Variants in PLEKHG1 observed in about 807,000 individuals in gnomAD.
The protein encoded by PLEKHG1 is pleckstrin homology and RhoGEF domain containing G1.
Under a neutral mutation model 100.8 loss-of-function variants are expected in PLEKHG1, and 44 were observed. That is an observed-to-expected ratio of 0.44 (90% CI 0.34 to 0.56). The LOEUF is 0.56. Ranked by LOEUF, PLEKHG1 falls within the 20% of genes least tolerant of loss-of-function variation. The pLI, the probability that PLEKHG1 is intolerant of heterozygous loss-of-function variation, is 0.01. For missense variants in PLEKHG1, 1,545 were observed against 1,720.9 expected (o/e 0.90, Z 1.81); for synonymous variants, 640 against 662.5 (o/e 0.97, Z 0.52).
intron 3 of PLEKHG1, among the ~76,000 whole-genome samples, chr6:150,675,609 C>T (rs1779727698): frequency 6.6e-6 from 1 of 152,198 alleles, no homozygotes; most frequent in South Asian, 2.1e-4. Flanking sequence ...GAGACGGAGT[C>T]TCCCTCTGTC....
At chr6:150,760,669 T>C (rs1413652702) in intron 2 of PLEKHG1, among the ~76,000 whole-genome samples, 1 of 143,940 alleles carries the variant, frequency 6.9e-6, no homozygotes, top group Non-Finnish European at 1.5e-5. Flanking sequence ...CTAGAAATAA[T>C]GATAGGATTT....
At chr6:150,741,358 T>C (rs1346475986) in intron 2 of PLEKHG1, among the ~76,000 whole-genome samples, 4 of 152,176 alleles carry the variant, frequency 2.6e-5, no homozygotes, top group African/African-American at 9.7e-5. Context: ...TATGGCTAGA[T>C]CTTGAGTCAA....
At chr6:150,780,969 G>A (rs1295765742) in intron 3 of PLEKHG1, among the ~76,000 whole-genome samples, 2 of 151,708 alleles carry the variant, frequency 1.3e-5, no homozygotes, top group Admixed American at 6.6e-5. Context: ...TTCCTCCCGG[G>A]TTCAAGCAAT....
chr6:150,671,583 A>G (rs1231646266), intron 3 of PLEKHG1, among the ~76,000 whole-genome samples: 2 of 152,224 alleles, frequency 1.3e-5, no homozygotes, highest in African/African-American at 4.8e-5. Context: ...TGCTGAGGAG[A>G]CAGTGCTTAC....
chr6:150,832,173 T>C (rs1361072874), exon 15 of PLEKHG1: 1 of 1,606,112 alleles, frequency 6.2e-7, no homozygotes, highest in South Asian at 1.1e-5. Context: ...GCTGCCATCT[T>C]GGAAGAGAAG....
intron 10 of PLEKHG1, among the ~76,000 whole-genome samples, chr6:150,817,747 G>A (rs565274723): frequency 1.9e-4 from 29 of 151,908 alleles, no homozygotes; most frequent in African/African-American, 5.3e-4. Context: ...TAGTAGAGAC[G>A]GGGTTTCACC....
intron 3 of PLEKHG1, among the ~76,000 whole-genome samples, chr6:150,670,333 C>T (rs1193404471): frequency 2.0e-5 from 3 of 152,010 alleles, no homozygotes; most frequent in African/African-American, 7.3e-5. Context: ...CTATTTTGTT[C>T]ATATTTGTTC....
chr6:150,659,339 C>G (rs1779093161), intron 3 of PLEKHG1, among the ~76,000 whole-genome samples: 2 of 152,054 alleles, frequency 1.3e-5, no homozygotes, highest in South Asian at 4.1e-4. Flanking sequence ...ATTTTGGGTA[C>G]AACCAGAACT....
At chr6:150,733,514 T>C in intron 1 of PLEKHG1, 70 bp from the exon 3 acceptor site, 3 of 1,350,460 alleles carry the variant, frequency 2.2e-6, no homozygotes, top group Non-Finnish European at 3.0e-6. Context: ...GCTAGGTTTT[T>C]ACTTCCTTTC....
intron 2 of PLEKHG1, among the ~76,000 whole-genome samples, chr6:150,743,773 C>T (rs1783006559): frequency 6.6e-6 from 1 of 151,962 alleles, no homozygotes; most frequent in African/African-American, 2.4e-5. Context: ...CTACTCATTC[C>T]AGTTCATTTG....
chr6:150,724,037 A>G (rs1253331176), intron 1 of PLEKHG1, among the ~76,000 whole-genome samples: 1 of 152,206 alleles, frequency 6.6e-6, no homozygotes, highest in Non-Finnish European at 1.5e-5. Flanking sequence ...GTGGTGTGGC[A>G]GAGTCAGGAT....
chr6:150,735,552 C>G (rs1323283919), intron 2 of PLEKHG1, among the ~76,000 whole-genome samples: 1 of 152,104 alleles, frequency 6.6e-6, no homozygotes, highest in African/African-American at 2.4e-5. Context: ...ATGTACCTTC[C>G]CAGTAAAAAT....
intron 3 of PLEKHG1, 74 bp from the exon 5 acceptor site, chr6:150,786,316 C>A: frequency 2.0e-6 from 2 of 991,284 alleles, no homozygotes; most frequent in Non-Finnish European, 1.6e-6. Context: ...AATGTTTAAA[C>A]TTTTAAATTA....
rs1417676550 is a variant in PLEKHG1, at chr6:150,648,690, T to C, written c.-157-2038T>C. Among the ~76,000 whole-genome samples the C allele has an allele frequency of 2.6e-5, 4 of 152,258 alleles. No homozygotes were observed. In the East Asian group the frequency reaches 5.8e-4, roughly 22 times the overall value. The stretch of plus-strand genomic sequence containing the variant: ...TCAGATTTGTGCTGGCTTTATCAAA[T>C]TGGGGAGCCTCATTTTCCCTCTATC... On this transcript the variant is annotated intron_variant, in intron 2 of 3. Coordinates refer to the PLEKHG1 transcript ENST00000367326.
chr6:150,763,024 C>CGGTTTTTTTTTTTTT (rs1784252253), intron 2 of PLEKHG1, among the ~76,000 whole-genome samples: 1 of 76,530 alleles, frequency 1.3e-5, no homozygotes, highest in African/African-American at 6.9e-5. Context: ...GATAAAGCTT[C>CGGTTTTTTTTTTTTT]TTTTTTTTTT....
At chr6:150,762,293 G>A (rs1349868437) in intron 2 of PLEKHG1, among the ~76,000 whole-genome samples, 8 of 150,918 alleles carry the variant, frequency 5.3e-5, no homozygotes, top group East Asian at 1.9e-4. Flanking sequence ...GGGTTCAAGC[G>A]ATTCTCCTGC....
chr6:150,681,972 A>C (rs1040904050), intron 3 of PLEKHG1, among the ~76,000 whole-genome samples: 1 of 152,068 alleles, frequency 6.6e-6, no homozygotes, highest in Non-Finnish European at 1.5e-5. Flanking sequence ...ATATGACTCC[A>C]CCCCGATTCT....
upstream of PLEKHG1, among the ~76,000 whole-genome samples, chr6:150,716,731 C>T (rs111419009): frequency 9.5e-3 from 1,448 of 152,352 alleles, 22 homozygotes; most frequent in East Asian, 0.031. Context: ...AGCTAATTCA[C>T]ACTACTGTGG....
At chr6:150,615,215 C>G (rs1188277275) in intron 1 of PLEKHG1, among the ~76,000 whole-genome samples, 1 of 152,216 alleles carries the variant, frequency 6.6e-6, no homozygotes, top group Non-Finnish European at 1.5e-5. Context: ...AGAAGTTGCT[C>G]TGTACTTCCA....
Sources: gnomAD v4.1 joint callset for allele counts (sites outside exome capture counted in the v4.1 genomes callset) on GRCh38, gnomAD v4.1.1 for gene constraint, MANE v1.5 for transcripts, NCBI Gene and HGNC (gene_info 2026-07-23, HGNC 2026-07-21) for gene names.